The following DCC variants were observed in gnomAD, a reference collection of about 807,000 sequenced individuals.
DCC encodes the protein DCC netrin 1 receptor.
DCC carries 58 observed loss-of-function variants against 172.5 expected under a neutral mutation model. The observed-to-expected ratio is 0.34, with a 90% CI of 0.27 to 0.42. DCC has a LOEUF of 0.42. Ranked by LOEUF, DCC falls within the 10% of genes least tolerant of loss-of-function variation. The pLI, the probability that DCC is intolerant of heterozygous loss-of-function variation, is 1.00. For missense variants in DCC, 1,740 were observed against 1,791.0 expected (o/e 0.97, Z 0.51); for synonymous variants, 709 against 644.5 (o/e 1.10, Z -1.52).
chr18:52,533,673 C>T (rs1381691214), intron 1 of DCC, among the ~76,000 whole-genome samples: 1 of 152,084 alleles, frequency 6.6e-6, no homozygotes, highest in Admixed American at 6.6e-5. Flanking sequence ...AGGTCTTTGG[C>T]TATTGTGAAT....
chr18:53,130,581 T>C (rs1249897964), intron 7 of DCC, among the ~76,000 whole-genome samples: 2 of 152,130 alleles, frequency 1.3e-5, no homozygotes, highest in Non-Finnish European at 1.5e-5. Context: ...AGTTGACGTA[T>C]GTGGTGGAGA....
intron 9 of DCC, among the ~76,000 whole-genome samples, chr18:53,194,688 T>C (rs957553854): frequency 1.3e-5 from 2 of 152,178 alleles, no homozygotes; most frequent in African/African-American, 4.8e-5. Context: ...CAGGCTGGTC[T>C]TGAATTCCTG....
chr18:52,969,629 GAC>G (rs1342247866), intron 5 of DCC, among the ~76,000 whole-genome samples: 5 of 113,968 alleles, frequency 4.4e-5, no homozygotes, highest in African/African-American at 1.9e-4. Flanking sequence ...CTCTTTCTGT[GAC>G]TCTCTGTGTC....
At chr18:52,440,172 C>A (rs1331231457) in intron 1 of DCC, among the ~76,000 whole-genome samples, 1 of 152,274 alleles carries the variant, frequency 6.6e-6, no homozygotes, top group Admixed American at 6.5e-5. Flanking sequence ...GAAGCGCATA[C>A]CCCTTCCATC....
At chr18:53,171,836 T>A (rs1008423604) in intron 8 of DCC, among the ~76,000 whole-genome samples, 2 of 149,306 alleles carry the variant, frequency 1.3e-5, no homozygotes, top group African/African-American at 4.9e-5. Flanking sequence ...CCATTCCACA[T>A]CAGTCAGAAT....
At chr18:52,516,335 G>A (rs2031640246) in intron 1 of DCC, among the ~76,000 whole-genome samples, 1 of 152,198 alleles carries the variant, frequency 6.6e-6, no homozygotes, top group Admixed American at 6.5e-5. Context: ...AATAGGCTAT[G>A]TGTTGTTCAG....
intron 2 of DCC, among the ~76,000 whole-genome samples, chr18:52,868,662 T>G (rs554130711): frequency 6.6e-6 from 1 of 152,342 alleles, no homozygotes; most frequent in African/African-American, 2.4e-5. Flanking sequence ...TGAAGCTCTG[T>G]GGCCGGTGGC....
rs932876984 is a variant in DCC at position 53,531,701 on chromosome 18, G to A, written c.*1048G>A. On this transcript the variant is annotated 3_prime_UTR_variant, in exon 29 of 29. Transcript: ENST00000442544. ...GGCAGACTCCCTGAGAGCAGGAAGA[G>A]AAGGAAAATAAAAGGTAGCTTCTAA... The A allele has an allele frequency of 6.6e-6, 1 of 152,208 alleles. No homozygotes were observed. The highest frequency in any genetic ancestry group is 1.5e-5 in the Non-Finnish European group (1 of 68,074). 9.4% of individuals were successfully genotyped at this position (152,208 alleles called of 1,614,324 possible). A position where few individuals can be genotyped will look rare whatever the true frequency, so the allele number is the denominator to read the frequency against.
chr18:53,101,252 G>T (rs1436422481), intron 7 of DCC, among the ~76,000 whole-genome samples: 1 of 152,050 alleles, frequency 6.6e-6, no homozygotes, highest in Admixed American at 6.6e-5. Flanking sequence ...GGTGTCTTGG[G>T]CACACAGACC....
rs569690734 is a variant in DCC, at chr18:52,547,119, T to A, written c.92-204935T>A. On this transcript the variant is annotated intron_variant, in intron 1 of 28. Transcript: ENST00000442544. ...TAAACTTAGAATCCCTTTGAAATGCTAATAAAATGTCACTGAATTTATGCT... is the reference window on the plus strand; with the variant it reads ...TAAACTTAGAATCCCTTTGAAATGCAAATAAAATGTCACTGAATTTATGCT... Among the ~76,000 whole-genome samples, 13 of 152,296 alleles carry A rather than the reference T, an allele frequency of 8.5e-5. No individual in the cohort carries two copies. The South Asian group carries it at 1.9e-3, about 22-fold the overall frequency.
chr18:53,355,775 C>T (rs1190278636), intron 15 of DCC, among the ~76,000 whole-genome samples: 2 of 152,092 alleles, frequency 1.3e-5, no homozygotes, highest in African/African-American at 2.4e-5. Context: ...TTTCTCCTGC[C>T]TGGCACTCGT....
intron 7 of DCC, among the ~76,000 whole-genome samples, chr18:53,104,509 T>A (rs1359391381): frequency 1.3e-5 from 2 of 152,060 alleles, no homozygotes; most frequent in African/African-American, 4.8e-5. Flanking sequence ...CATGTGGAAC[T>A]GTAAGTCCAT....
intron 1 of DCC, among the ~76,000 whole-genome samples, chr18:52,704,628 C>T (rs1167855816): frequency 6.6e-6 from 1 of 152,132 alleles, no homozygotes; most frequent in Admixed American, 6.6e-5. Context: ...AAATGATGTG[C>T]CCTCTTGTTA....
At chr18:53,244,533 G>T (rs1183168180) in intron 12 of DCC, among the ~76,000 whole-genome samples, 4 of 152,138 alleles carry the variant, frequency 2.6e-5, no homozygotes, top group Admixed American at 6.6e-5. Context: ...CATAAGCAAA[G>T]TCTATATCTA....
intron 19 of DCC, among the ~76,000 whole-genome samples, chr18:53,403,615 G>A (rs1011626053): frequency 6.6e-6 from 1 of 152,048 alleles, no homozygotes; most frequent in Non-Finnish European, 1.5e-5. Flanking sequence ...TAATTATTAT[G>A]AAAAATATTG....
intron 27 of DCC, among the ~76,000 whole-genome samples, chr18:53,508,915 C>T (rs2046216939): frequency 6.6e-6 from 1 of 152,184 alleles, no homozygotes; most frequent in Non-Finnish European, 1.5e-5. Flanking sequence ...CTTAAATGGT[C>T]ACACTGCAAA....
chr18:53,496,175 C>A (rs939472186), intron 26 of DCC, among the ~76,000 whole-genome samples: 1 of 150,782 alleles, frequency 6.6e-6, no homozygotes, highest in Non-Finnish European at 1.5e-5. Flanking sequence ...AGACACCTCC[C>A]AGTTGGAGCT....
chr18:53,324,042 A>T (rs917421595), intron 14 of DCC, among the ~76,000 whole-genome samples: 37 of 152,116 alleles, frequency 2.4e-4, no homozygotes, highest in African/African-American at 8.2e-4. Flanking sequence ...AGGTTGATTT[A>T]AAAAAATAGT....
intron 3 of DCC, among the ~76,000 whole-genome samples, chr18:52,911,416 C>T (rs1021858647): frequency 1.4e-5 from 2 of 140,632 alleles, no homozygotes; most frequent in African/African-American, 5.1e-5. Flanking sequence ...AGAAATTGAG[C>T]TCACTTTATT....
Sources: gnomAD v4.1 joint callset for allele counts (sites outside exome capture counted in the v4.1 genomes callset) on GRCh38, gnomAD v4.1.1 for gene constraint, MANE v1.5 for transcripts, NCBI Gene and HGNC (gene_info 2026-07-23, HGNC 2026-07-21) for gene names.